The following EBF2 variants were observed in gnomAD, a reference collection of about 807,000 sequenced individuals.
EBF2 encodes transcription factor COE2.
In EBF2, 21 loss-of-function variants were observed where a neutral mutation model predicts 72.8. The observed-to-expected ratio is 0.29, with a 90% CI of 0.20 to 0.42. The LOEUF (loss-of-function observed/expected upper bound fraction) is 0.42. EBF2 is among the 10% of genes least tolerant of loss of function. EBF2 has a pLI of 1.00. For missense variants in EBF2, 637 were observed against 731.2 expected (o/e 0.87, Z 1.49); for synonymous variants, 299 against 274.2 (o/e 1.09, Z -0.89).
intron 11 of EBF2, 103 bp downstream of exon 11, chr8:25,862,606 C>T (rs189524933): frequency 9.4e-5 from 75 of 793,828 alleles, no homozygotes; most frequent in Admixed American, 7.4e-4. Context: ...AGCCAAATTT[C>T]AAGGCCTAAT....
At chr8:25,947,415 A>C (rs545690621) in intron 6 of EBF2, among the ~76,000 whole-genome samples, 2 of 152,338 alleles carry the variant, frequency 1.3e-5, no homozygotes, top group South Asian at 4.1e-4. Flanking sequence ...CAAATTACGC[A>C]GTCTCAGGCA....
chr8:26,033,257 C>G (rs1324198022), intron 5 of EBF2, 104 bp from the exon 6 acceptor site: 1 of 1,111,568 alleles, frequency 9.0e-7, no homozygotes, highest in African/African-American at 1.5e-5. Flanking sequence ...GAGTCTGGCT[C>G]TGTCACCAGG....
intron 6 of EBF2, chr8:26,031,424 T>C (rs1805402104): frequency 8.8e-6 from 1 of 113,922 alleles, no homozygotes; most frequent in Admixed American, 1.3e-4. Flanking sequence ...TTTTTTCTTT[T>C]TCTTTTTTTT....
chr8:25,938,174 G>A (rs184167990), intron 6 of EBF2, among the ~76,000 whole-genome samples: 174 of 152,156 alleles, frequency 1.1e-3, no homozygotes, highest in Non-Finnish European at 1.9e-3. Context: ...TCATGGAAGC[G>A]TTAGTGGAAA....
At chr8:25,997,286 T>C (rs1246895987) in intron 6 of EBF2, among the ~76,000 whole-genome samples, 1 of 152,066 alleles carries the variant, frequency 6.6e-6, no homozygotes, top group Non-Finnish European at 1.5e-5. Flanking sequence ...AAAGAAAAAA[T>C]TAGGCCAGGC....
At chr8:25,872,775 C>T (rs116701758) in intron 10 of EBF2, among the ~76,000 whole-genome samples, 152 of 152,328 alleles carry the variant, frequency 1.0e-3, no homozygotes, top group African/African-American at 3.5e-3. Context: ...CAGACACTGA[C>T]TGGCAATGGA....
chr8:26,044,680 G>C lies in EBF2; in HGVS notation c.131+49C>G. The C allele has an allele frequency of 6.3e-7, 1 of 1,596,120 alleles. No homozygotes were observed. Among genetic ancestry groups the C allele is most frequent in the Non-Finnish European group, 8.6e-7 (1 of 1,167,750 alleles). ...CGGGGGGGGTGCACACGGAGAGACA[G>C]ACCGTAAGAGCGAGAGACAGCATAA... On this transcript the variant is annotated intron_variant, in intron 1 of 15. Transcript: ENST00000520164. The surrounding 1 kb of genome is among the most constrained non-coding windows in gnomAD (Gnocchi z 4.1).
chr8:25,853,425 G>A (rs1039404960), intron 14 of EBF2, among the ~76,000 whole-genome samples: 2 of 151,964 alleles, frequency 1.3e-5, no homozygotes, highest in Non-Finnish European at 2.9e-5. Flanking sequence ...GATCCATATA[G>A]AAACACTCAA....
intron 6 of EBF2, among the ~76,000 whole-genome samples, chr8:26,030,531 A>G (rs1378450331): frequency 6.6e-6 from 1 of 152,104 alleles, no homozygotes; most frequent in African/African-American, 2.4e-5. Context: ...CATATGTAAC[A>G]AACCTGCACG....
At chr8:25,913,771 C>G (rs938470212) in intron 6 of EBF2, among the ~76,000 whole-genome samples, 6 of 152,174 alleles carry the variant, frequency 3.9e-5, no homozygotes, top group Admixed American at 6.5e-5. Context: ...GTCAAACGTA[C>G]AGTTGATATG....
intron 14 of EBF2, among the ~76,000 whole-genome samples, chr8:25,855,335 T>G (rs894788813): frequency 6.6e-6 from 1 of 152,150 alleles, no homozygotes; most frequent in Non-Finnish European, 1.5e-5. Flanking sequence ...CCATAAAAAC[T>G]TGCACTGAGC....
At chr8:25,976,234 A>T (rs565156471) in intron 6 of EBF2, among the ~76,000 whole-genome samples, 1 of 152,342 alleles carries the variant, frequency 6.6e-6, no homozygotes, top group East Asian at 1.9e-4. Context: ...TTATTATTGA[A>T]TCAAGGTCTT....
At chr8:26,041,252 T>C in intron 2 of EBF2, 2 of 556,536 alleles carry the variant, frequency 3.6e-6, no homozygotes, top group Non-Finnish European at 6.4e-6. Context: ...TCCTCAGAAG[T>C]GTGACCCTTG....
intron 6 of EBF2, among the ~76,000 whole-genome samples, chr8:26,021,874 A>G (rs74870453): frequency 0.013 from 2,056 of 152,326 alleles, 19 homozygotes; most frequent in Non-Finnish European, 0.021. Flanking sequence ...GGTTATTATC[A>G]TACTACAAGA....
At chr8:25,913,632 GCCA>G (rs1476766649) in intron 6 of EBF2, among the ~76,000 whole-genome samples, 2 of 152,038 alleles carry the variant, frequency 1.3e-5, no homozygotes, top group Non-Finnish European at 2.9e-5. Flanking sequence ...TATGATAATG[GCCA>G]CATTTTATAC....
chr8:25,945,533 A>C (rs1207963441), intron 6 of EBF2, among the ~76,000 whole-genome samples: 1 of 151,884 alleles, frequency 6.6e-6, no homozygotes, highest in Non-Finnish European at 1.5e-5. Context: ...TCTTGTCCCA[A>C]GTACCGATAC....
At chr8:25,890,485 C>G (rs1266841131) in intron 7 of EBF2, among the ~76,000 whole-genome samples, 2 of 152,154 alleles carry the variant, frequency 1.3e-5, no homozygotes, top group Non-Finnish European at 2.9e-5. Context: ...GGAACAGTGG[C>G]AGAACATGGG....
At chr8:26,021,538 T>A (rs1463181225) in intron 6 of EBF2, among the ~76,000 whole-genome samples, 1 of 152,174 alleles carries the variant, frequency 6.6e-6, no homozygotes, top group Admixed American at 6.6e-5. Flanking sequence ...TTCAGATAGG[T>A]TTGCCAGATA....
intron 6 of EBF2, among the ~76,000 whole-genome samples, chr8:25,919,081 C>T (rs1461892407): frequency 1.3e-5 from 2 of 152,140 alleles, no homozygotes; most frequent in Non-Finnish European, 2.9e-5. Flanking sequence ...GTAATTATTA[C>T]AATGAAGGGT....
Sources: allele counts gnomAD v4.1 joint callset (sites outside exome capture counted in the v4.1 genomes callset), GRCh38; gene constraint gnomAD v4.1.1; non-coding constraint Gnocchi (gnomAD v3.1); transcripts MANE v1.5; gene names NCBI Gene and HGNC (gene_info 2026-07-23, HGNC 2026-07-21).